SRSF11: variants seen among roughly 807,000 people sequenced by gnomAD.
The protein encoded by SRSF11 is serine/arginine-rich splicing factor 11.
A neutral mutation model predicts 56.0 loss-of-function variants in SRSF11; 9 were observed. The ratio of observed to expected loss-of-function variants is 0.16; its 90% CI spans 0.10 to 0.28. The LOEUF is 0.28. Ranked by LOEUF, SRSF11 falls within the 10% of genes least tolerant of loss-of-function variation. The pLI is 1.00. For synonymous variants in SRSF11, 222 were observed against 215.3 expected (o/e 1.03, Z -0.27); for missense variants, 421 against 600.7 (o/e 0.70, Z 3.13).
intron 5 of SRSF11, 24 bp downstream of exon 5, chr1:70,235,574 A>T (rs562335600): frequency 6.2e-7 from 1 of 1,607,012 alleles, no homozygotes. Flanking sequence ...CTTTGTTTTC[A>T]TTGGTGATGT....
rs1488709279 is a variant in SRSF11 at position 70,221,583 on chromosome 1, CTGTT to C, written c.-49_-46del. 7 of 1,557,882 alleles carry C rather than the reference CTGTT, an allele frequency of 4.5e-6. No homozygotes were observed. The highest frequency in any genetic ancestry group is 6.1e-6 in the Non-Finnish European group (7 of 1,151,190). On this transcript the variant is annotated 5_prime_UTR_variant, in exon 1 of 12. Coordinates refer to ENST00000370949, the MANE Select transcript of SRSF11 (RefSeq NM_001350605.2). ...CGGTTCCTCTTCCCCCTCCTTCTCA[CTGTT>C]TGTTGTGTGTTTGATGTGTTAAAGC...
chr1:70,206,381 T>C (rs1174730725), intron 1 of SRSF11, among the ~76,000 whole-genome samples: 1 of 152,076 alleles, frequency 6.6e-6, no homozygotes, highest in Non-Finnish European at 1.5e-5. Flanking sequence ...GGATAATTCC[T>C]ACCGCATAAG....
intron 5 of SRSF11, among the ~76,000 whole-genome samples, chr1:70,235,979 G>A (rs1261758508): frequency 2.0e-5 from 3 of 152,262 alleles, no homozygotes; most frequent in East Asian, 3.9e-4. Flanking sequence ...CACAGAAATT[G>A]TTTCCGACTT....
Position 70,230,233 on chromosome 1 carries a change from G to A in SRSF11, c.337+1678G>A, listed in dbSNP as rs189986478. ...GAAGTGAAGTATTTAGGAATATACA[G>A]TATATAGAATTAGGGGAATATTTCA... On this transcript the variant is annotated intron_variant, in intron 2 of 11. Coordinates refer to ENST00000370949, the MANE Select transcript of SRSF11 (RefSeq NM_001350605.2). 1.2e-4 allele frequency: 115 copies of A among 995,854 alleles called. No homozygotes were observed. The African/African-American group carries it at 1.8e-3, about 16-fold the overall frequency. The allele number at this position is 995,854 out of a possible 1,614,324, so 61.7% of individuals were successfully genotyped here.
At chr1:70,235,207 A>G (rs1335585374) in intron 4 of SRSF11, among the ~76,000 whole-genome samples, 2 of 152,178 alleles carry the variant, frequency 1.3e-5, no homozygotes, top group African/African-American at 4.8e-5. Flanking sequence ...CTTTATGTCA[A>G]AAAGTCTTAA....
chr1:70,239,982 C>T (rs1674962717), intron 7 of SRSF11, among the ~76,000 whole-genome samples: 1 of 152,096 alleles, frequency 6.6e-6, no homozygotes, highest in Non-Finnish European at 1.5e-5. Flanking sequence ...CATCTATTTT[C>T]CTTATATAAT....
At chr1:70,216,250 C>T (rs1188905805) in intron 1 of SRSF11, among the ~76,000 whole-genome samples, 7 of 152,008 alleles carry the variant, frequency 4.6e-5, no homozygotes, top group Non-Finnish European at 8.8e-5. Flanking sequence ...GACATGCTTT[C>T]CTGCCAATAT....
Position 70,252,918 on chromosome 1 carries a change from A to C in SRSF11, c.*2113A>C, listed in dbSNP as rs1678139962. ...TATTTTCAGTGAACATTTTCTGCAC[A>C]AAGGTAGTGTTGCACTGGGACACAA... On this transcript the variant is annotated 3_prime_UTR_variant, in exon 12 of 12. Coordinates refer to ENST00000370949, the MANE Select transcript of SRSF11 (RefSeq NM_001350605.2). 1 of 152,208 alleles carries C rather than the reference A, an allele frequency of 6.6e-6. No homozygotes were observed. The highest frequency in any genetic ancestry group is 2.1e-4 in the South Asian group (1 of 4,826). 9.4% of individuals were successfully genotyped at this position (152,208 alleles called of 1,614,324 possible).
At chr1:70,231,559 C>G in intron 2 of SRSF11, 10 of 1,091,550 alleles carry the variant, frequency 9.2e-6, no homozygotes, top group Non-Finnish European at 1.1e-5. Flanking sequence ...AAGCATTTTA[C>G]TGTACAGGTA....
At chr1:70,227,870 A>G (rs1235598630) in intron 1 of SRSF11, among the ~76,000 whole-genome samples, 2 of 152,224 alleles carry the variant, frequency 1.3e-5, no homozygotes, top group African/African-American at 4.8e-5. Flanking sequence ...TCCAAGCCAG[A>G]AATCCTTGAT....
intron 1 of SRSF11, among the ~76,000 whole-genome samples, chr1:70,207,811 G>A (rs191698047): frequency 1.1e-4 from 17 of 150,160 alleles, no homozygotes; most frequent in East Asian, 3.9e-4. Flanking sequence ...CTGCAACCTC[G>A]AAATCCTGGG....
chr1:70,210,143 T>C (rs777732132), intron 1 of SRSF11, among the ~76,000 whole-genome samples: 44 of 152,122 alleles, frequency 2.9e-4, no homozygotes, highest in Non-Finnish European at 5.7e-4. Flanking sequence ...TTGATTCTAA[T>C]ATTTTCTGCT....
At chr1:70,231,672 C>A (rs902314511) in intron 2 of SRSF11, 13 of 1,180,566 alleles carry the variant, frequency 1.1e-5, no homozygotes, top group Non-Finnish European at 1.4e-5. Context: ...TATTCATTTT[C>A]ATGAGTCAGC....
intron 1 of SRSF11, among the ~76,000 whole-genome samples, chr1:70,210,058 G>A (rs1407240987): frequency 1.3e-5 from 2 of 151,976 alleles, no homozygotes; most frequent in African/African-American, 4.8e-5. Flanking sequence ...TAATGCATTT[G>A]TATATTCTTT....
rs146594150 is a variant in SRSF11 at position 70,235,478 on chromosome 1, ATTC to A, written c.541-20_541-18del. On this transcript the variant is annotated intron_variant, in intron 4 of 11. Coordinates refer to ENST00000370949, the MANE Select transcript of SRSF11 (RefSeq NM_001350605.2). ...ATTTATTGTTTTATGTATTCTCATT[ATTC>A]TTATGTTTTATTTTTACAGTCTCTT... 14,171 of 1,588,588 alleles carry A rather than the reference ATTC, an allele frequency of 8.9e-3. 89 individuals carry two copies. Among genetic ancestry groups the A allele is most frequent in the Middle Eastern group, 0.02 (121 of 5,960 alleles).
intron 2 of SRSF11, chr1:70,229,685 G>A: frequency 2.0e-6 from 2 of 984,880 alleles, no homozygotes; most frequent in Non-Finnish European, 2.4e-6. Flanking sequence ...CATTTTAGAT[G>A]CTATCTGAAA....
intron 2 of SRSF11, chr1:70,231,735 C>T: frequency 1.6e-6 from 2 of 1,229,340 alleles, no homozygotes; most frequent in South Asian, 1.4e-5. Context: ...ACTTTCTTCT[C>T]TTAATTTTTA....
At chr1:70,238,593 G>T (rs558503798) in intron 6 of SRSF11, among the ~76,000 whole-genome samples, 60 of 152,272 alleles carry the variant, frequency 3.9e-4, no homozygotes, top group African/African-American at 1.4e-3. Context: ...TTGAAAATTG[G>T]TAGGGAAGAG....
chr1:70,209,763 TTTTTTTTTTTTTTTTTG>T (rs1669386640), intron 1 of SRSF11, among the ~76,000 whole-genome samples: 1 of 122,842 alleles, frequency 8.1e-6, no homozygotes, highest in African/African-American at 3.1e-5. Flanking sequence ...TTTTTTTTTT[TTTTTTTTTTTTTTTTTG>T]TAGAGATGAA....
Sources: allele counts gnomAD v4.1 joint callset (sites outside exome capture counted in the v4.1 genomes callset), GRCh38; gene constraint gnomAD v4.1.1; transcripts MANE v1.5; gene names NCBI Gene and HGNC (gene_info 2026-07-23, HGNC 2026-07-21).